METTL16: variants seen among roughly 807,000 people sequenced by gnomAD.
METTL16 encodes methyltransferase 16, RNA N6-adenosine, also known as RNA N(6)-adenosine-methyltransferase METTL16.
METTL16 carries 19 observed loss-of-function variants against 57.9 expected under a neutral mutation model. The ratio of observed to expected loss-of-function variants is 0.33; its 90% CI spans 0.23 to 0.48. The LOEUF (loss-of-function observed/expected upper bound fraction) is 0.48. Ranked by LOEUF, METTL16 falls within the 20% of genes least tolerant of loss-of-function variation. The pLI is 0.99. For missense variants in METTL16, 434 were observed against 691.5 expected, an observed-to-expected ratio of 0.63 and a Z score of 4.18; for synonymous variants, 246 against 255.6, an observed-to-expected ratio of 0.96 and a Z score of 0.36.
rs2066746306 is a variant in METTL16 at position 2,419,795 on chromosome 17, C to T, written c.*175G>A. On this transcript the variant is annotated 3_prime_UTR_variant, in exon 10 of 10. Coordinates refer to ENST00000263092, the MANE Select transcript of METTL16 (RefSeq NM_024086.4). ...ATGACCACACTACGACTCCCTGTAACTCAAAAAGCGGGAAGGAGGCGGGGG... is the reference window on the plus strand; with the variant it reads ...ATGACCACACTACGACTCCCTGTAATTCAAAAAGCGGGAAGGAGGCGGGGG... The T allele has an allele frequency of 3.8e-6, 3 of 789,272 alleles. No homozygotes were observed. 48.9% of individuals were successfully genotyped at this position (789,272 alleles called of 1,614,324 possible).
chr17:2,479,291 C>G (rs2067287459), intron 2 of METTL16, among the ~76,000 whole-genome samples: 1 of 148,534 alleles, frequency 6.7e-6, no homozygotes, highest in Non-Finnish European at 1.5e-5. Flanking sequence ...CTCGGCCCCA[C>G]AAGTAGCTGG....
At chr17:2,458,909 C>T (rs1447018513) in intron 6 of METTL16, among the ~76,000 whole-genome samples, 3 of 151,636 alleles carry the variant, frequency 2.0e-5, no homozygotes, top group Admixed American at 6.6e-5. Context: ...TGGGCTCAAG[C>T]GATCCTCCTA....
intron 1 of METTL16, among the ~76,000 whole-genome samples, chr17:2,502,561 G>A (rs1250355601): frequency 2.0e-5 from 3 of 152,014 alleles, no homozygotes; most frequent in Admixed American, 2.0e-4. Context: ...GGTGGCGGGA[G>A]CCTGTAATCC....
In METTL16 at chr17:2,476,581, T is replaced by C. The variant is rs559072053; in HGVS notation, c.328+1105A>G. ...ATGCCGCTGAAAAGATCATGTAGGATGAGGGCTGAAAATGCATGCAAATAT... is the reference window on the plus strand; with the variant it reads ...ATGCCGCTGAAAAGATCATGTAGGACGAGGGCTGAAAATGCATGCAAATAT... On this transcript the variant is annotated intron_variant, in intron 3 of 9. Coordinates refer to ENST00000263092, the MANE Select transcript of METTL16 (RefSeq NM_024086.4). Among the ~76,000 whole-genome samples the C allele has an allele frequency of 4.7e-4, 71 of 152,300 alleles. 2 individuals carry two copies. The South Asian group carries it at 0.015, about 31-fold the overall frequency.
At chr17:2,508,862 A>G (rs1356190052) in intron 1 of METTL16, among the ~76,000 whole-genome samples, 1 of 152,138 alleles carries the variant, frequency 6.6e-6, no homozygotes, top group Non-Finnish European at 1.5e-5. Context: ...ATTTGTTGCC[A>G]CTTTCCCCTT....
chr17:2,447,431 CCCGT>C (rs1407800394), intron 6 of METTL16, among the ~76,000 whole-genome samples: 2 of 141,938 alleles, frequency 1.4e-5, no homozygotes, highest in South Asian at 2.2e-4. Flanking sequence ...CGGCAGCCAC[CCCGT>C]CCGGGAGGGA....
chr17:2,473,645 G>A lies in METTL16; in HGVS notation c.348C>T (p.Ile116=). The change falls in exon 4 of 10, where the codon ATC becomes ATT. Residue 116 remains isoleucine, a synonymous_variant. Transcript: ENST00000263092. ...GIDIGTGASC[I]YPLLGATLNG... ...TCAAGGTTGCTCCAAGTAAGGGGTA[G>A]ATGCAAGATGCCCCCGTGCCTAATA... is the stretch of plus-strand genomic sequence containing the variant. The A allele has an allele frequency of 2.5e-6, 4 of 1,613,996 alleles. No individual in the cohort carries two copies. Among genetic ancestry groups the A allele is most frequent in the Non-Finnish European group, 2.5e-6 (3 of 1,179,972 alleles).
intron 3 of METTL16, among the ~76,000 whole-genome samples, chr17:2,475,078 T>G (rs2067260400): frequency 6.6e-6 from 1 of 152,216 alleles, no homozygotes; most frequent in Non-Finnish European, 1.5e-5. Context: ...TCTAGCCTTG[T>G]AAGGATTTGC....
At chr17:2,451,091 AC>A (rs2067065758) in intron 6 of METTL16, among the ~76,000 whole-genome samples, 1 of 152,206 alleles carries the variant, frequency 6.6e-6, no homozygotes, top group South Asian at 2.1e-4. Flanking sequence ...TATGAAAAAT[AC>A]TATTATATTA....
At chr17:2,453,692 C>G (rs1222576188) in intron 6 of METTL16, among the ~76,000 whole-genome samples, 1 of 152,142 alleles carries the variant, frequency 6.6e-6, no homozygotes, top group Admixed American at 6.6e-5. Context: ...TCAAATTTCC[C>G]TTTGCCAATT....
chr17:2,509,652 G>C lies in METTL16; in HGVS notation c.-1+2107C>G, dbSNP rs1470053367. On this transcript the variant is annotated intron_variant, in intron 1 of 9. Transcript: ENST00000263092. ...CGACTATAATCCCAACACTTTCGGAGGCCAAGACTGGAGGATCACCTGAGG... is the reference window on the plus strand; with the variant it reads ...CGACTATAATCCCAACACTTTCGGACGCCAAGACTGGAGGATCACCTGAGG... Among the ~76,000 whole-genome samples the C allele has an allele frequency of 2.0e-5, 3 of 152,280 alleles. No individual in the cohort carries two copies. The East Asian group carries it at 5.8e-4, about 29-fold the overall frequency.
At chr17:2,503,970 T>C (rs979490668) in intron 1 of METTL16, among the ~76,000 whole-genome samples, 1 of 152,200 alleles carries the variant, frequency 6.6e-6, no homozygotes, top group Non-Finnish European at 1.5e-5. Flanking sequence ...CAAAATATGG[T>C]ATATCCATAC....
At chr17:2,447,795 A>G (rs1414339975) in intron 6 of METTL16, among the ~76,000 whole-genome samples, 214 of 102,328 alleles carry the variant, frequency 2.1e-3, no homozygotes, top group Non-Finnish European at 2.9e-3. Flanking sequence ...CCCGTCCGGG[A>G]GGGAGGTGGG....
At chr17:2,443,268 G>A (rs2066967209) in intron 6 of METTL16, among the ~76,000 whole-genome samples, 1 of 152,136 alleles carries the variant, frequency 6.6e-6, no homozygotes, top group Admixed American at 6.6e-5. Flanking sequence ...GCCACCATGC[G>A]TGACAGAGAA....
intron 2 of METTL16, among the ~76,000 whole-genome samples, chr17:2,482,857 G>C (rs1364097758): frequency 1.3e-5 from 2 of 152,148 alleles, no homozygotes; most frequent in Admixed American, 1.3e-4. Flanking sequence ...GCTGCAGTGA[G>C]CCAAGATCCC....
intron 2 of METTL16, among the ~76,000 whole-genome samples, chr17:2,499,092 T>C (rs1394403804): frequency 1.3e-5 from 2 of 151,616 alleles, no homozygotes; most frequent in Non-Finnish European, 2.9e-5. Flanking sequence ...CTCCTTTTCA[T>C]GTGATCCCAC....
chr17:2,449,725 A>G (rs1347481913), intron 6 of METTL16, among the ~76,000 whole-genome samples: 1 of 152,234 alleles, frequency 6.6e-6, no homozygotes, highest in African/African-American at 2.4e-5. Flanking sequence ...GGTCTTTTTA[A>G]AAGAGATTTA....
Position 2,420,799 on chromosome 17 carries a change from G to A in METTL16, c.994C>T (p.Arg332Cys), listed in dbSNP as rs755744679. Residue 332 changes from arginine (R) to cysteine (C), a missense_variant, in exon 9 of 10, where the codon CGC becomes TGC. Transcript: ENST00000263092. This position sits in a 1 kb window ranked among gnomAD's most constrained non-coding sequence, Gnocchi z 5.4. ...ACTATGCCTTCCGCCGTCTCCGAGC[G>A]CAGAGGTGATGCTTTGAGGGATAAT... ...KELSLKASPL[R>C]SETAEGIVVV... 1.3e-5 allele frequency: 21 copies of A among 1,614,200 alleles called. No homozygotes were observed. In the African/African-American group the frequency reaches 1.5e-4, roughly 11 times the overall value.
intron 6 of METTL16, among the ~76,000 whole-genome samples, chr17:2,447,302 C>T (rs1468336980): frequency 4.0e-3 from 581 of 144,542 alleles, no homozygotes; most frequent in African/African-American, 0.015. Context: ...AGCGTCTCTG[C>T]CCGGCCGCCC....
Sources: gnomAD v4.1 joint callset for allele counts (sites outside exome capture counted in the v4.1 genomes callset) on GRCh38, gnomAD v4.1.1 for gene constraint, Gnocchi (gnomAD v3.1) non-coding constraint, MANE v1.5 for transcripts, NCBI Gene and HGNC (gene_info 2026-07-23, HGNC 2026-07-21) for gene names.